CLEC19A: variants seen among roughly 807,000 people sequenced by gnomAD.
The protein encoded by CLEC19A is C-type lectin domain containing 19A, also known as C-type lectin domain family 19 member A.
In CLEC19A, 21 loss-of-function variants were observed where a neutral mutation model predicts 26.1. That is an observed-to-expected ratio of 0.80 (90% CI 0.57 to 1.16). The LOEUF (loss-of-function observed/expected upper bound fraction) is 1.16, where lower values mean the gene tolerates loss of function less well. Ranked by LOEUF, CLEC19A falls within the 50% of genes most tolerant of loss-of-function variation. The pLI is 0.00. For synonymous variants in CLEC19A, 89 were observed against 88.6 expected (o/e 1.00, Z -0.03); for missense variants, 224 against 227.6 (o/e 0.98, Z 0.10).
intron 1 of CLEC19A, among the ~76,000 whole-genome samples, chr16:19,288,486 C>G (rs11074381): frequency 0.43 from 65,711 of 151,910 alleles, 14,562 homozygotes; most frequent in South Asian, 0.55. Flanking sequence ...TCCCACTACT[C>G]CAGACCTTTC....
chr16:19,297,364 A>T (rs1401342397), intron 1 of CLEC19A, among the ~76,000 whole-genome samples: 1 of 152,228 alleles, frequency 6.6e-6, no homozygotes, highest in Non-Finnish European at 1.5e-5. Context: ...CATGAAAGTG[A>T]TAACACTGAG....
intron 1 of CLEC19A, among the ~76,000 whole-genome samples, chr16:19,296,893 G>T (rs1247823912): frequency 6.6e-6 from 1 of 152,172 alleles, no homozygotes; most frequent in African/African-American, 2.4e-5. Context: ...TGAAGGTCAA[G>T]ATGGGAAAGA....
intron 1 of CLEC19A, among the ~76,000 whole-genome samples, chr16:19,290,626 C>G (rs1897563861): frequency 6.6e-6 from 1 of 152,124 alleles, no homozygotes; most frequent in Admixed American, 6.5e-5. Flanking sequence ...TTCCCCCATC[C>G]AGGAAGGGAA....
At chr16:19,286,043 C>A in intron 1 of CLEC19A, 104 bp downstream of exon 1, 4 of 1,131,734 alleles carry the variant, frequency 3.5e-6, no homozygotes, top group South Asian at 2.7e-5. Flanking sequence ...GTTGGGGTGG[C>A]CTGACCCGAG....
At chr16:19,297,824 C>T (rs1287426442) in intron 1 of CLEC19A, among the ~76,000 whole-genome samples, 5 of 152,044 alleles carry the variant, frequency 3.3e-5, no homozygotes, top group Non-Finnish European at 7.4e-5. Context: ...TTAACATTTT[C>T]CAGGTGTTCT....
At chr16:19,295,869 C>T (rs1404978406) in intron 1 of CLEC19A, among the ~76,000 whole-genome samples, 6 of 152,192 alleles carry the variant, frequency 3.9e-5, no homozygotes, top group African/African-American at 1.4e-4. Flanking sequence ...CTACAAAGAG[C>T]TCAGCAACAC....
At chr16:19,291,101 C>G (rs1358554404) in intron 1 of CLEC19A, among the ~76,000 whole-genome samples, 1 of 152,198 alleles carries the variant, frequency 6.6e-6, no homozygotes, top group Non-Finnish European at 1.5e-5. Context: ...CCTTTGCCTC[C>G]CAAAGTCTGG....
At chr16:19,306,628 G>T (rs80042155) in intron 3 of CLEC19A, among the ~76,000 whole-genome samples, 5,121 of 152,180 alleles carry the variant, frequency 0.034, 309 homozygotes, top group African/African-American at 0.12. Context: ...ACAAGAAAAT[G>T]CCTTTTCTTC....
At chr16:19,298,911 C>T in intron 2 of CLEC19A, 73 bp downstream of exon 2, 2 of 1,409,708 alleles carry the variant, frequency 1.4e-6, no homozygotes, top group East Asian at 5.0e-5. Context: ...AATGGTATTT[C>T]CAACTGGCAT....
rs190410103 is a variant in CLEC19A, at chr16:19,297,448, T to A, written c.89-1225T>A. Among the ~76,000 whole-genome samples, 422 of 152,308 alleles carry A rather than the reference T, an allele frequency of 2.8e-3. 1 individual carries two copies. The highest frequency in any genetic ancestry group is 9.3e-3 in the African/African-American group (385 of 41,560). ...AGGATAAATTGCTTTCAGGAGACAA[T>A]TTAGCAAATTGTATTAAAGCCTTAA... On this transcript the variant is annotated intron_variant, in intron 1 of 4. Coordinates refer to ENST00000636231, the MANE Select transcript of CLEC19A (RefSeq NM_001256720.2).
chr16:19,304,357 T>C, intron 3 of CLEC19A: 1 of 446,204 alleles, frequency 2.2e-6, no homozygotes, highest in Non-Finnish European at 4.0e-6. Context: ...TGGGAACAGA[T>C]AGCATGGTCA....
chr16:19,304,328 A>G (rs1897903080), intron 3 of CLEC19A, 173 bp downstream of exon 3: 1 of 572,314 alleles, frequency 1.7e-6, no homozygotes, highest in Non-Finnish European at 3.2e-6. Context: ...AAGACATTTA[A>G]TGATGTCCTA....
chr16:19,306,510 C>G (rs1209509978), intron 3 of CLEC19A, among the ~76,000 whole-genome samples: 1 of 151,618 alleles, frequency 6.6e-6, no homozygotes, highest in Admixed American at 6.6e-5. Flanking sequence ...TTTAAAAACA[C>G]TAAAATGTCC....
At chr16:19,287,089 T>C (rs1897488514) in intron 1 of CLEC19A, among the ~76,000 whole-genome samples, 1 of 151,500 alleles carries the variant, frequency 6.6e-6, no homozygotes, top group African/African-American at 2.4e-5. Context: ...CTTAGCTCAT[T>C]TGGGCAAGGG....
intron 3 of CLEC19A, among the ~76,000 whole-genome samples, chr16:19,306,485 TA>T (rs1897957912): frequency 6.6e-6 from 1 of 151,938 alleles, no homozygotes; most frequent in Admixed American, 6.6e-5. Flanking sequence ...CAAGAACACA[TA>T]GAGAAGTTAT....
At position 19,298,815 on chromosome 16, in the gene CLEC19A, C is replaced by T. The variant is rs181126361; in HGVS notation, c.231C>T (p.Ser77=). Reference sequence around the variant, plus strand: ...CTGAGTTCTCTGTGGGCAGGAAGTCCGCCAAGCTGGCCTCCATCCACAGGT... The same window carrying T: ...CTGAGTTCTCTGTGGGCAGGAAGTCTGCCAAGCTGGCCTCCATCCACAGGT... The part of the protein sequence containing the change: ...YCSEFSVGRK[S]AKLASIHSWE... The change falls in exon 2 of 5, where the codon TCC becomes TCT. Residue 77 remains serine, a synonymous_variant. Coordinates refer to ENST00000636231, the MANE Select transcript of CLEC19A (RefSeq NM_001256720.2). 8.5e-4 allele frequency: 1,314 copies of T among 1,550,470 alleles called. 16 individuals carry two copies. The African/African-American group carries it at 0.015, about 18-fold the overall frequency.
intron 1 of CLEC19A, among the ~76,000 whole-genome samples, chr16:19,291,463 G>A (rs1318080963): frequency 6.6e-6 from 1 of 152,198 alleles, no homozygotes; most frequent in African/African-American, 2.4e-5. Context: ...TTCTTCATCT[G>A]TGAAGTGGGG....
chr16:19,295,657 T>A (rs1381368609), intron 1 of CLEC19A, among the ~76,000 whole-genome samples: 1 of 152,168 alleles, frequency 6.6e-6, no homozygotes, highest in Non-Finnish European at 1.5e-5. Context: ...AACTGAGTCA[T>A]CCCAGTCACT....
intron 3 of CLEC19A, 171 bp downstream of exon 3, chr16:19,304,326 T>G: frequency 3.3e-6 from 2 of 597,200 alleles, no homozygotes; most frequent in Non-Finnish European, 6.1e-6. Context: ...GAAAGACATT[T>G]AATGATGTCC....
Sources: allele counts gnomAD v4.1 joint callset (sites outside exome capture counted in the v4.1 genomes callset), GRCh38; gene constraint gnomAD v4.1.1; transcripts MANE v1.5; gene names NCBI Gene and HGNC (gene_info 2026-07-23, HGNC 2026-07-21).